Variants in ERG observed in about 807,000 individuals in gnomAD.
The protein encoded by ERG is transcriptional regulator ERG.
In ERG, 9 loss-of-function variants were observed where a neutral mutation model predicts 55.3. The observed-to-expected ratio is 0.16, with a 90% confidence interval of 0.10 to 0.28. The LOEUF is 0.28. Among genes scored for constraint, ERG ranks in the 10% least tolerant of loss-of-function variants. The pLI is 1.00. For synonymous variants in ERG, 223 were observed against 237.3 expected (o/e 0.94, Z 0.55); for missense variants, 434 against 631.6 (o/e 0.69, Z 3.35).
chr21:38,469,133 A>C (rs1321275474), intron 1 of ERG, among the ~76,000 whole-genome samples: 3 of 151,752 alleles, frequency 2.0e-5, no homozygotes, highest in Admixed American at 2.0e-4. Flanking sequence ...TACATTATAG[A>C]AGGGCTTCTA....
intron 2 of ERG, among the ~76,000 whole-genome samples, chr21:38,525,088 T>C (rs188871654): frequency 6.6e-6 from 1 of 152,260 alleles, no homozygotes; most frequent in African/African-American, 2.4e-5. Context: ...TTAAGATCAT[T>C]TGTGACTACA....
intron 1 of ERG, among the ~76,000 whole-genome samples, chr21:38,448,062 C>T (rs530378142): frequency 2.7e-4 from 41 of 151,990 alleles, no homozygotes; most frequent in African/African-American, 9.7e-4. Flanking sequence ...CCAATAGCCA[C>T]AAAAATGTAG....
chr21:38,509,936 A>G (rs7282902), intron 2 of ERG, among the ~76,000 whole-genome samples: 132,350 of 152,180 alleles, frequency 0.87, 57,711 homozygotes, highest in African/African-American at 0.94. Flanking sequence ...AGGACGCCCC[A>G]GGGGCTTCCC....
At chr21:38,521,032 T>G (rs2059590452) in intron 2 of ERG, among the ~76,000 whole-genome samples, 1 of 152,036 alleles carries the variant, frequency 6.6e-6, no homozygotes, top group South Asian at 2.1e-4. Flanking sequence ...AGAAGTGAGA[T>G]AACAAATAAA....
intron 2 of ERG, among the ~76,000 whole-genome samples, chr21:38,425,304 G>C (rs1989765869): frequency 6.6e-6 from 1 of 152,052 alleles, no homozygotes; most frequent in Admixed American, 6.6e-5. Context: ...AGAATCCCTT[G>C]AACCTGGGAG....
the ERG span, among the ~76,000 whole-genome samples, chr21:38,370,244 G>A: frequency 2.3e-3 from 352 of 152,052 alleles, 1 homozygote; most frequent in African/African-American, 7.9e-3. Context: ...TTCCACTCTT[G>A]AAAAGTGATC....
intron 1 of ERG, among the ~76,000 whole-genome samples, chr21:38,611,171 C>G (rs955212002): frequency 6.6e-6 from 1 of 152,124 alleles, no homozygotes; most frequent in East Asian, 1.9e-4. Flanking sequence ...GCCCACCTCC[C>G]CACCTCCACT....
intron 1 of ERG, among the ~76,000 whole-genome samples, chr21:38,579,631 G>A (rs1309798736): frequency 6.6e-6 from 1 of 152,148 alleles, no homozygotes. Context: ...CCACATTAGA[G>A]ACCAAGGGCG....
At chr21:38,554,589 CAT>C (rs1207526295) in intron 2 of ERG, among the ~76,000 whole-genome samples, 5 of 152,148 alleles carry the variant, frequency 3.3e-5, no homozygotes, top group Non-Finnish European at 5.9e-5. Flanking sequence ...CCAAATACCA[CAT>C]GTTTTCACTT....
chr21:38,659,535 A>G lies in ERG; in HGVS notation c.-150+2123T>C, dbSNP rs374860284. Among the ~76,000 whole-genome samples the G allele has an allele frequency of 1.3e-4, 20 of 152,384 alleles. 1 individual carries two copies. In the South Asian group the frequency reaches 4.1e-3, roughly 32 times the overall value. ...GAGAGAATGGAAAACAGTCAAAAAT[A>G]GTCCCAAAGGTAAATAAACTCTGTG... On this transcript the variant is annotated intron_variant, in intron 1 of 10. Coordinates refer to the ERG transcript ENST00000398910.
intron 1 of ERG, among the ~76,000 whole-genome samples, chr21:38,657,073 A>C (rs2060523861): frequency 6.6e-6 from 1 of 152,214 alleles, no homozygotes; most frequent in African/African-American, 2.4e-5. Context: ...AGACACACTA[A>C]AGATTTGTCC....
chr21:38,455,118 CTTTT>C (rs34764983), intron 1 of ERG, among the ~76,000 whole-genome samples: 8 of 104,830 alleles, frequency 7.6e-5, no homozygotes, highest in South Asian at 2.7e-4. Flanking sequence ...TTCTTTCTTT[CTTTT>C]TTTTTTTTTT....
chr21:38,536,266 C>G (rs752990729), intron 2 of ERG, among the ~76,000 whole-genome samples: 7 of 148,528 alleles, frequency 4.7e-5, no homozygotes, highest in Non-Finnish European at 8.9e-5. Context: ...CAAGCCATAT[C>G]TCCACCTAGG....
chr21:38,610,075 A>G (rs56681372), intron 1 of ERG, among the ~76,000 whole-genome samples: 13,376 of 152,208 alleles, frequency 0.088, 1,175 homozygotes, highest in African/African-American at 0.23. Flanking sequence ...GAGAGGCCAC[A>G]AGGGAAGGAT....
chr21:38,537,442 AT>A (rs371597732), intron 2 of ERG, among the ~76,000 whole-genome samples: 25,382 of 94,192 alleles, frequency 0.27, 2,226 homozygotes, highest in African/African-American at 0.38. Context: ...AGAAAAAAAA[AT>A]ATATATATAT....
chr21:38,456,448 A>T (rs1238379635), intron 1 of ERG, among the ~76,000 whole-genome samples: 3 of 152,222 alleles, frequency 2.0e-5, no homozygotes, highest in African/African-American at 4.8e-5. Flanking sequence ...AAAAAAATTT[A>T]AAAAATAAAA....
chr21:38,569,338 G>A (rs928519870), intron 2 of ERG, among the ~76,000 whole-genome samples: 4 of 152,228 alleles, frequency 2.6e-5, no homozygotes, highest in Non-Finnish European at 5.9e-5. Context: ...GAAACGGCCC[G>A]TGCCCAGCTT....
intron 1 of ERG, among the ~76,000 whole-genome samples, chr21:38,644,010 T>C (rs567494987): frequency 1.7e-4 from 26 of 152,178 alleles, no homozygotes; most frequent in Non-Finnish European, 3.5e-4. Context: ...TCCCCTCCTT[T>C]CTTTCTCACC....
chr21:38,635,376 T>C (rs1478430801), intron 1 of ERG, among the ~76,000 whole-genome samples: 2 of 152,150 alleles, frequency 1.3e-5, no homozygotes, highest in East Asian at 1.9e-4. Flanking sequence ...CTTTAGGTGA[T>C]AATGATGTGC....
Sources: gnomAD v4.1 joint callset for allele counts (sites outside exome capture counted in the v4.1 genomes callset) on GRCh38, gnomAD v4.1.1 for gene constraint, MANE v1.5 for transcripts, NCBI Gene and HGNC (gene_info 2026-07-23, HGNC 2026-07-21) for gene names.